Variants in TET2 observed in about 807,000 individuals in gnomAD.
TET2 encodes the protein tet methylcytosine dioxygenase 2.
In TET2, 299 loss-of-function variants were observed where a neutral mutation model predicts 142.9. That is an observed-to-expected ratio of 2.09 (90% confidence interval 1.90 to 2.30). The LOEUF (loss-of-function observed/expected upper bound fraction) is 2.30. Among genes scored for constraint, TET2 ranks in the 30% most tolerant of loss-of-function variants. TET2 has a pLI of 0.00. For missense variants in TET2, 2,418 were observed against 2,378.0 expected, an observed-to-expected ratio of 1.02 and a Z score of -0.35; for synonymous variants, 819 against 849.0, an observed-to-expected ratio of 0.96 and a Z score of 0.61.
At chr4:105,172,635 A>AT (rs1724539853) in intron 1 of TET2, 1 of 152,104 alleles carries the variant, frequency 6.6e-6, no homozygotes, top group South Asian at 2.1e-4. Flanking sequence ...GACCTTGTTA[A>AT]TTTTTTTCAA....
chr4:105,195,218 A>G (rs536101581), intron 2 of TET2, among the ~76,000 whole-genome samples: 1 of 152,272 alleles, frequency 6.6e-6, no homozygotes, highest in South Asian at 2.1e-4. Context: ...TGTTGATCTC[A>G]GGATCTTTTA....
Position 105,234,827 on chromosome 4 carries a change from C to A in TET2, c.885C>A (p.Ala295=). The change falls in exon 3 of 11, where the codon GCC becomes GCA. Residue 295 remains alanine (A), a synonymous_variant. Transcript: ENST00000380013. ...AGCCAGCTGCAGTGGTGAGTGAGGC[C>A]TGTGATGCTGATGATGCTGATAATG... The part of the protein sequence containing the change: ...PPKPAAVVSE[A]CDADDADNAS... The A allele has an allele frequency of 6.2e-7, 1 of 1,613,964 alleles. No homozygotes were observed. Among genetic ancestry groups the A allele is most frequent in the Non-Finnish European group, 8.5e-7 (1 of 1,179,984 alleles).
chr4:105,206,278 G>T lies in TET2; in HGVS notation c.-47+15773G>T, dbSNP rs534754217. Among the ~76,000 whole-genome samples the T allele has an allele frequency of 1.4e-4, 22 of 152,304 alleles. No homozygotes were observed. In the South Asian group the frequency reaches 4.6e-3, roughly 32 times the overall value. Reference sequence around the variant, plus strand: ...CTGCCTTTGGCTGCTTTGTGATTAAGTAAGACATACCCATGTTTCCTAAAG... The same window carrying T: ...CTGCCTTTGGCTGCTTTGTGATTAATTAAGACATACCCATGTTTCCTAAAG... On this transcript the variant is annotated intron_variant, in intron 2 of 10. Coordinates refer to ENST00000380013, the MANE Select transcript of TET2 (RefSeq NM_001127208.3).
chr4:105,178,800 A>G (rs372977817), intron 1 of TET2, among the ~76,000 whole-genome samples: 1 of 152,150 alleles, frequency 6.6e-6, no homozygotes, highest in Non-Finnish European at 1.5e-5. Flanking sequence ...AATTTAGGCA[A>G]TCTGAAAAAA....
chr4:105,173,094 T>C (rs1189159908), intron 1 of TET2, among the ~76,000 whole-genome samples: 1 of 152,168 alleles, frequency 6.6e-6, no homozygotes, highest in Non-Finnish European at 1.5e-5. Context: ...AATATAAATT[T>C]TCTTCTTAAG....
chr4:105,266,331 A>G (rs1198956740), intron 8 of TET2, among the ~76,000 whole-genome samples: 1 of 152,202 alleles, frequency 6.6e-6, no homozygotes, highest in Admixed American at 6.5e-5. Context: ...ATTTAACTGC[A>G]TCACAGTACA....
At chr4:105,206,041 C>CT (rs1423093828) in intron 2 of TET2, among the ~76,000 whole-genome samples, 2 of 152,158 alleles carry the variant, frequency 1.3e-5, no homozygotes, top group Non-Finnish European at 2.9e-5. Context: ...AACCCACACC[C>CT]TTTGTATTTC....
intron 1 of TET2, among the ~76,000 whole-genome samples, chr4:105,160,077 A>G (rs575933302): frequency 6.6e-6 from 1 of 152,122 alleles, no homozygotes; most frequent in Non-Finnish European, 1.5e-5. Context: ...CCCAAACTAA[A>G]CGGTCTGACC....
intron 6 of TET2, among the ~76,000 whole-genome samples, chr4:105,251,046 T>A (rs886451706): frequency 6.6e-6 from 1 of 152,230 alleles, no homozygotes; most frequent in Non-Finnish European, 1.5e-5. Flanking sequence ...AATTTTTTGT[T>A]GATAATATAT....
At chr4:105,197,509 G>A (rs1726163370) in intron 2 of TET2, among the ~76,000 whole-genome samples, 1 of 152,146 alleles carries the variant, frequency 6.6e-6, no homozygotes, top group Non-Finnish European at 1.5e-5. Flanking sequence ...CTTGTAGGAG[G>A]CCATATGTTT....
At chr4:105,218,845 A>AAT (rs1359030807) in intron 2 of TET2, among the ~76,000 whole-genome samples, 1 of 151,870 alleles carries the variant, frequency 6.6e-6, no homozygotes, top group African/African-American at 2.4e-5. Flanking sequence ...GTAATGAAAA[A>AAT]ATATATATAA....
At chr4:105,186,084 G>T (rs966082192) in intron 1 of TET2, among the ~76,000 whole-genome samples, 5 of 152,094 alleles carry the variant, frequency 3.3e-5, no homozygotes, top group African/African-American at 1.2e-4. Context: ...CAAAAAATGT[G>T]CTGGGTGTGG....
chr4:105,168,213 T>G (rs1724264988), intron 1 of TET2, among the ~76,000 whole-genome samples: 1 of 152,170 alleles, frequency 6.6e-6, no homozygotes, highest in Admixed American at 6.6e-5. Flanking sequence ...CTTAAAACCA[T>G]TAATGGGTCT....
chr4:105,248,984 G>T (rs1172662842), intron 6 of TET2, among the ~76,000 whole-genome samples: 4 of 147,060 alleles, frequency 2.7e-5, no homozygotes, highest in African/African-American at 1.0e-4. Flanking sequence ...AAAAAAAAAA[G>T]TACCTTTTTT....
chr4:105,201,182 G>A (rs1726440454), intron 2 of TET2, among the ~76,000 whole-genome samples: 1 of 152,130 alleles, frequency 6.6e-6, no homozygotes, highest in African/African-American at 2.4e-5. Flanking sequence ...TGTAAATCAA[G>A]AGTTCAATTT....
chr4:105,248,327 GTTAAA>G (rs2110264722), intron 6 of TET2, among the ~76,000 whole-genome samples: 1 of 152,176 alleles, frequency 6.6e-6, no homozygotes, highest in Non-Finnish European at 1.5e-5. Flanking sequence ...GTTATATAAA[GTTAAA>G]TTATTTTGCT....
chr4:105,259,855 G>A, intron 7 of TET2, 86 bp downstream of exon 7: 1 of 1,306,942 alleles, frequency 7.7e-7, no homozygotes, highest in Non-Finnish European at 1.0e-6. Context: ...GACATATCTT[G>A]GTAAGCTCTT....
intron 3 of TET2, chr4:105,237,717 A>G (rs1729040687): frequency 7.9e-7 from 1 of 1,271,752 alleles, no homozygotes; most frequent in African/African-American, 1.5e-5. Flanking sequence ...AAAATGAGAA[A>G]ATAACGACCA....
chr4:105,249,658 C>T (rs1416788058), intron 6 of TET2, among the ~76,000 whole-genome samples: 2 of 152,130 alleles, frequency 1.3e-5, no homozygotes, highest in Non-Finnish European at 2.9e-5. Flanking sequence ...AAGTTTATCT[C>T]GTGATTTTGA....
Sources: allele counts gnomAD v4.1 joint callset (sites outside exome capture counted in the v4.1 genomes callset), GRCh38; gene constraint gnomAD v4.1.1; transcripts MANE v1.5; gene names NCBI Gene and HGNC (gene_info 2026-07-23, HGNC 2026-07-21).